Variants in DCT observed in about 807,000 individuals in gnomAD.
DCT encodes the protein dopachrome tautomerase.
A neutral mutation model predicts 53.0 loss-of-function variants in DCT; 47 were observed. The ratio of observed to expected loss-of-function variants is 0.89; its 90% CI spans 0.70 to 1.13. DCT has a LOEUF of 1.13. DCT is among the 50% of genes most tolerant of loss of function. The pLI, the probability that DCT is intolerant of heterozygous loss-of-function variation, is 0.00. For synonymous variants in DCT, 244 were observed against 237.0 expected (o/e 1.03, Z -0.27); for missense variants, 669 against 637.4 (o/e 1.05, Z -0.53).
At chr13:94,516,324 T>C in the DCT span, among the ~76,000 whole-genome samples, 1 of 152,158 alleles carries the variant, frequency 6.6e-6, no homozygotes, top group African/African-American at 2.4e-5. Context: ...TAGGCTATTT[T>C]CTACATTAAA....
the DCT span, among the ~76,000 whole-genome samples, chr13:94,547,807 T>G: frequency 6.6e-6 from 1 of 151,178 alleles, no homozygotes; most frequent in South Asian, 2.1e-4. Context: ...CTGGCCAACA[T>G]AGCAAAAACC....
At chr13:94,502,693 T>A in the DCT span, among the ~76,000 whole-genome samples, 3 of 152,260 alleles carry the variant, frequency 2.0e-5, no homozygotes, top group Admixed American at 2.0e-4. Flanking sequence ...CTCATTCTCC[T>A]TGTGTCCTCC....
In DCT at chr13:94,443,505, G is replaced by C. The variant is rs1181699209; in HGVS notation, c.1312C>G (p.Pro438Ala). 1.2e-6 allele frequency: 2 copies of C among 1,613,888 alleles called. No homozygotes were observed. The highest frequency in any genetic ancestry group is 1.7e-6 in the Non-Finnish European group (2 of 1,179,920). Residue 438 changes from proline (P) to alanine (A), a missense_variant, in exon 7 of 8, where the codon CCA (proline) becomes GCA (alanine). Coordinates refer to ENST00000377028, the MANE Select transcript of DCT (RefSeq NM_001922.5). Reference protein sequence around the residue: ...RMYNMVPFFPPVTNEELFLTS... With the variant: ...RMYNMVPFFPAVTNEELFLTS... ...AAAAAGAGTTCTTCATTAGTCACTGGAGGGAAGAAAGGAACCATGTTGTAC... is the reference window on the plus strand; with the variant it reads ...AAAAAGAGTTCTTCATTAGTCACTGCAGGGAAGAAAGGAACCATGTTGTAC...
the DCT span, among the ~76,000 whole-genome samples, chr13:94,508,200 T>C: frequency 1.4e-3 from 206 of 152,368 alleles, 5 homozygotes; most frequent in East Asian, 0.035. Flanking sequence ...TGATTCCTAC[T>C]ACATATGAAG....
upstream of DCT, among the ~76,000 whole-genome samples, chr13:94,483,032 G>T (rs568218647): frequency 6.6e-6 from 1 of 152,178 alleles, no homozygotes; most frequent in East Asian, 1.9e-4. Flanking sequence ...CCAACATTTT[G>T]GGAGGCCAAG....
the DCT span, among the ~76,000 whole-genome samples, chr13:94,517,343 T>C: frequency 5.1e-3 from 781 of 152,338 alleles, 3 homozygotes; most frequent in Non-Finnish European, 8.8e-3. Context: ...CCTCATCTTC[T>C]TGACTTCATC....
At chr13:94,524,251 C>G in the DCT span, among the ~76,000 whole-genome samples, 14 of 152,352 alleles carry the variant, frequency 9.2e-5, no homozygotes, top group Admixed American at 8.5e-4. Context: ...GTGCAGGAAA[C>G]TCAATGGGCT....
chr13:94,546,423 C>G, the DCT span, among the ~76,000 whole-genome samples: 1,655 of 152,240 alleles, frequency 0.011, 27 homozygotes, highest in African/African-American at 0.037. This position sits in a 1 kb window ranked among gnomAD's most constrained non-coding sequence, Gnocchi z 4.2. Flanking sequence ...CACGCTGGAC[C>G]CTCTTCCCTA....
the DCT span, among the ~76,000 whole-genome samples, chr13:94,485,010 C>T: frequency 4.6e-5 from 7 of 151,730 alleles, no homozygotes; most frequent in Non-Finnish European, 8.8e-5. Context: ...TTTGGTTGAC[C>T]CGTCTTTATT....
chr13:94,454,926 T>G (rs1168276919), intron 6 of DCT, among the ~76,000 whole-genome samples: 1 of 152,192 alleles, frequency 6.6e-6, no homozygotes, highest in African/African-American at 2.4e-5. Context: ...ATATGTATAT[T>G]ACACATACTA....
the DCT span, among the ~76,000 whole-genome samples, chr13:94,518,025 T>G: frequency 6.7e-6 from 1 of 149,422 alleles, no homozygotes; most frequent in African/African-American, 2.5e-5. Context: ...GGACGATCAC[T>G]TGAGTCCAGG....
rs184328043 is a variant in DCT at position 94,475,245 on chromosome 13, G to A, written c.295+3716C>T. Among the ~76,000 whole-genome samples the A allele has an allele frequency of 3.3e-4, 50 of 152,276 alleles. No individual in the cohort carries two copies. In the East Asian group the frequency reaches 5.4e-3, roughly 16 times the overall value. Reference sequence around the variant, plus strand: ...AATAACTTCCCAGCTCAGTCACTAAGGACTTAGTCTCGTGCCCTGAGATTC... The same window carrying A: ...AATAACTTCCCAGCTCAGTCACTAAAGACTTAGTCTCGTGCCCTGAGATTC... On this transcript the variant is annotated intron_variant, in intron 1 of 7. Transcript: ENST00000377028.
chr13:94,524,112 A>G, the DCT span, among the ~76,000 whole-genome samples: 1 of 152,160 alleles, frequency 6.6e-6, no homozygotes, highest in Non-Finnish European at 1.5e-5. Flanking sequence ...TTCATCCCCA[A>G]AAAAGCTTTG....
At chr13:94,465,395 T>A (rs1378937366) in intron 4 of DCT, 4 of 320,172 alleles carry the variant, frequency 1.2e-5, no homozygotes, top group Non-Finnish European at 2.3e-5. Flanking sequence ...AAAACTAACC[T>A]GATCTCAAAA....
chr13:94,543,156 G>A, the DCT span, among the ~76,000 whole-genome samples: 2 of 152,116 alleles, frequency 1.3e-5, no homozygotes, highest in South Asian at 4.1e-4. Context: ...ACATGATTAT[G>A]ATGTGCACAC....
chr13:94,542,296 C>A, the DCT span, among the ~76,000 whole-genome samples: 1 of 152,142 alleles, frequency 6.6e-6, no homozygotes, highest in Non-Finnish European at 1.5e-5. Context: ...TCAAGCAATT[C>A]TCCCACTTCA....
intron 6 of DCT, 138 bp downstream of exon 6, chr13:94,459,953 G>T: frequency 1.0e-6 from 1 of 954,772 alleles, no homozygotes; most frequent in Non-Finnish European, 1.6e-6. Context: ...CTATGGTATA[G>T]ATTGAAATTA....
chr13:94,534,863 G>T, the DCT span, among the ~76,000 whole-genome samples: 1 of 152,220 alleles, frequency 6.6e-6, no homozygotes, highest in Non-Finnish European at 1.5e-5. Context: ...GCTGAGAGTT[G>T]CTATTAGCCG....
chr13:94,544,281 G>A, the DCT span, among the ~76,000 whole-genome samples: 5 of 151,974 alleles, frequency 3.3e-5, no homozygotes, highest in Non-Finnish European at 7.4e-5. Flanking sequence ...CAGAATGCCC[G>A]GCACATAGAG....
Sources: gnomAD v4.1 joint callset for allele counts (sites outside exome capture counted in the v4.1 genomes callset) on GRCh38, gnomAD v4.1.1 for gene constraint, Gnocchi (gnomAD v3.1) non-coding constraint, MANE v1.5 for transcripts, NCBI Gene and HGNC (gene_info 2026-07-23, HGNC 2026-07-21) for gene names.